TRRAP: variants seen among roughly 807,000 people sequenced by gnomAD.
TRRAP encodes the protein transformation/transcription domain-associated protein.
TRRAP carries 41 observed loss-of-function variants against 438.8 expected under a neutral mutation model. The ratio of observed to expected loss-of-function variants is 0.09; its 90% CI spans 0.07 to 0.12. TRRAP has a LOEUF of 0.12. Among genes scored for constraint, TRRAP ranks in the 10% least tolerant of loss-of-function variants. The pLI, the probability that TRRAP is intolerant of heterozygous loss-of-function variation, is 1.00. For synonymous variants in TRRAP, 1,994 were observed against 1,962.9 expected (o/e 1.02, Z -0.42); for missense variants, 3,122 against 5,055.1 (o/e 0.62, Z 11.60).
intron 46 of TRRAP, 87 bp downstream of exon 46, chr7:98,961,561 T>G (rs1341605778): frequency 1.4e-6 from 2 of 1,480,550 alleles, no homozygotes; most frequent in Non-Finnish European, 1.9e-6. Context: ...CTCCAGTTAT[T>G]GTGTCGAGCG....
chr7:98,945,681 G>T lies in TRRAP; in HGVS notation c.4474-66G>T, dbSNP rs1309461529. On this transcript the variant is annotated intron_variant, in intron 31 of 72. Coordinates refer to ENST00000456197, the MANE Select transcript of TRRAP (RefSeq NM_001375524.1). ...CCCCAATAACCCTTACTGTGTTTGA[G>T]TATGTGGGAAGTTTTTATGTAAATA... 6.4e-6 allele frequency: 10 copies of T among 1,573,918 alleles called. No individual in the cohort carries two copies. In the East Asian group the frequency reaches 2.0e-4, roughly 32 times the overall value.
At chr7:98,909,661 C>T (rs185840558) in intron 14 of TRRAP, among the ~76,000 whole-genome samples, 5 of 152,274 alleles carry the variant, frequency 3.3e-5, no homozygotes, top group East Asian at 3.9e-4. Flanking sequence ...GGGGTGGTGG[C>T]GGGGCCCTGT....
In TRRAP at chr7:99,005,562, G is replaced by A. The variant is rs1454490448; in HGVS notation, c.10753+214G>A. ...CTTCTCACTGAGAGATGAGAGCTGT[G>A]TCCACCTTTCCTCTAAGGCGAGCTT... On this transcript the variant is annotated intron_variant, in intron 69 of 72. Coordinates refer to ENST00000456197, the MANE Select transcript of TRRAP (RefSeq NM_001375524.1). The surrounding 1 kb of genome is among the most constrained non-coding windows in gnomAD (Gnocchi z 5.1). Among the ~76,000 whole-genome samples, 1 of 152,232 alleles carries A rather than the reference G, an allele frequency of 6.6e-6. No individual in the cohort carries two copies. Among genetic ancestry groups the A allele is most frequent in the Non-Finnish European group, 1.5e-5 (1 of 68,044 alleles).
At chr7:98,993,820 G>C (rs1425289085) in intron 66 of TRRAP, 83 bp downstream of exon 66, 1 of 1,411,240 alleles carries the variant, frequency 7.1e-7, no homozygotes, top group East Asian at 2.3e-5. Context: ...CTCTTCCCTT[G>C]AGCTTTAGTT....
Position 98,982,847 on chromosome 7 carries a change from C to T in TRRAP, c.8827-417C>T, listed in dbSNP as rs538919894. On this transcript the variant is annotated intron_variant, in intron 59 of 72. Transcript: ENST00000456197. ...GTGTGGCTGTGGGGTTTAGCAGGCA[C>T]GTTGGGAAAAGGCACGCCTGCAGCA... is the stretch of plus-strand genomic sequence containing the variant. Among the ~76,000 whole-genome samples the T allele has an allele frequency of 2.0e-5, 3 of 152,242 alleles. 1 individual carries two copies. The highest frequency in any genetic ancestry group is 4.2e-4 in the South Asian group (2 of 4,818).
chr7:99,012,469 C>T lies in TRRAP; in HGVS notation c.*114C>T. ...TATTCACAGAAGCCCCATAGTTTCA[C>T]TGGGTTGCGGTTATTTTCCTGGTAG... On this transcript the variant is annotated 3_prime_UTR_variant, in exon 73 of 73. Transcript: ENST00000456197. The surrounding 1 kb of genome is among the most constrained non-coding windows in gnomAD (Gnocchi z 5.9). 1 of 1,282,266 alleles carries T rather than the reference C, an allele frequency of 7.8e-7. No individual in the cohort carries two copies. Among genetic ancestry groups the T allele is most frequent in the Non-Finnish European group, 1.1e-6 (1 of 951,720 alleles). 79.4% of individuals were successfully genotyped at this position (1,282,266 alleles called of 1,614,324 possible). A position where few individuals can be genotyped will look rare whatever the true frequency, so the allele number is the denominator to read the frequency against.
chr7:98,953,892 C>G (rs1239770677), intron 40 of TRRAP, among the ~76,000 whole-genome samples: 1 of 152,194 alleles, frequency 6.6e-6, no homozygotes, highest in African/African-American at 2.4e-5. Flanking sequence ...TTCTCCCTTC[C>G]TCCCCCATTC....
At chr7:98,881,066 C>A in intron 1 of TRRAP, 24 bp from the exon 2 acceptor site, 1 of 1,158,216 alleles carries the variant, frequency 8.6e-7, no homozygotes, top group Non-Finnish European at 1.2e-6. Flanking sequence ...CATAAATTGA[C>A]TAACTCTATG....
chr7:98,958,173 ATTTCATC>A, intron 44 of TRRAP, 82 bp downstream of exon 44: 3 of 1,212,188 alleles, frequency 2.5e-6, no homozygotes, highest in Middle Eastern at 2.0e-4. Flanking sequence ...ATCTGTGGCA[ATTTCATC>A]AAAAAAGATA....
At chr7:98,977,172 C>G (rs1383265748) in intron 56 of TRRAP, 96 bp downstream of exon 56, 1 of 1,545,748 alleles carries the variant, frequency 6.5e-7, no homozygotes, top group South Asian at 1.2e-5. Context: ...TTCACGTTCT[C>G]TTTTTTTGAG....
intron 20 of TRRAP, among the ~76,000 whole-genome samples, chr7:98,919,263 C>T (rs1789675825): frequency 6.6e-6 from 1 of 152,036 alleles, no homozygotes; most frequent in South Asian, 2.1e-4. Context: ...ATTTTCCCTC[C>T]CTGTCCTGAG....
At chr7:98,899,269 C>T (rs1554406258) in intron 8 of TRRAP, among the ~76,000 whole-genome samples, 153 bp from the exon 9 acceptor site, 1 of 152,140 alleles carries the variant, frequency 6.6e-6, no homozygotes, top group African/African-American at 2.4e-5. Context: ...TTGGATCTTT[C>T]ATCAGTTTGG....
At chr7:98,901,831 G>A (rs1554406705) in intron 11 of TRRAP, among the ~76,000 whole-genome samples, 1 of 152,228 alleles carries the variant, frequency 6.6e-6, no homozygotes, top group Non-Finnish European at 1.5e-5. Flanking sequence ...TTACCGGCAT[G>A]AGCCAGGCCT....
At chr7:98,929,910 A>T (rs1790243286) in intron 23 of TRRAP, 79 bp from the exon 24 acceptor site, 3 of 1,490,802 alleles carry the variant, frequency 2.0e-6, no homozygotes, top group East Asian at 4.5e-5. Context: ...GGAGTTTCTA[A>T]CTTCAAGGAA....
rs116346187 is a variant in TRRAP, at chr7:98,922,573, T to C, written c.2823+620T>C. Reference sequence around the variant, plus strand: ...AGCATCATTCCATCGTCACGTTGGCTTTTCCCTCTGACTCTGTCACCAGTC... The same window carrying C: ...AGCATCATTCCATCGTCACGTTGGCCTTTCCCTCTGACTCTGTCACCAGTC... On this transcript the variant is annotated intron_variant, in intron 21 of 72. Coordinates refer to ENST00000456197, the MANE Select transcript of TRRAP (RefSeq NM_001375524.1). Among the ~76,000 whole-genome samples, 1,421 of 152,268 alleles carry C rather than the reference T, an allele frequency of 9.3e-3. 18 individuals are homozygous for C. Among genetic ancestry groups the C allele is most frequent in the Middle Eastern group, 0.024 (7 of 292 alleles).
intron 3 of TRRAP, among the ~76,000 whole-genome samples, chr7:98,882,367 T>TC (rs1477312768): frequency 6.6e-6 from 1 of 150,670 alleles, no homozygotes; most frequent in East Asian, 1.9e-4. Flanking sequence ...TTCTTTCTTT[T>TC]TTTTTTTTTT....
intron 23 of TRRAP, among the ~76,000 whole-genome samples, chr7:98,928,895 T>C (rs975403030): frequency 6.6e-6 from 1 of 151,046 alleles, no homozygotes; most frequent in African/African-American, 2.4e-5. Flanking sequence ...TGCCTCATCC[T>C]CTTGAGTAGC....
intron 67 of TRRAP, chr7:98,998,921 G>T: frequency 2.0e-6 from 1 of 505,776 alleles, no homozygotes; most frequent in Non-Finnish European, 3.6e-6. Context: ...TGGTAGGTCA[G>T]TCTGCACAAG....
chr7:98,920,470 CAAAAAAAAAA>C (rs782559840), intron 20 of TRRAP, among the ~76,000 whole-genome samples: 1 of 93,686 alleles, frequency 1.1e-5, no homozygotes, highest in South Asian at 3.3e-4. Context: ...ACTCCGTCTC[CAAAAAAAAAA>C]AAAAGAAAAG....
Sources: gnomAD v4.1 joint callset for allele counts (sites outside exome capture counted in the v4.1 genomes callset) on GRCh38, gnomAD v4.1.1 for gene constraint, Gnocchi (gnomAD v3.1) non-coding constraint, MANE v1.5 for transcripts, NCBI Gene and HGNC (gene_info 2026-07-23, HGNC 2026-07-21) for gene names.